Variants in ZNF500 observed in about 807,000 individuals in gnomAD.
ZNF500 encodes the protein zinc finger protein with KRAB and SCAN domains 18.
ZNF500 carries 31 observed loss-of-function variants against 30.1 expected under a neutral mutation model. That is an observed-to-expected ratio of 1.03 (90% CI 0.77 to 1.39). The LOEUF is 1.39. Ranked by LOEUF, ZNF500 falls within the 40% of genes most tolerant of loss-of-function variation. ZNF500 has a pLI of 0.00. For missense variants in ZNF500, 817 were observed against 657.8 expected (o/e 1.24, Z -2.65); for synonymous variants, 392 against 282.0 (o/e 1.39, Z -3.91).
chr16:4,745,143 G>C, downstream of ZNF500: 1 of 1,208,462 alleles, frequency 8.3e-7, no homozygotes. Flanking sequence ...CATCTGATCA[G>C]GCAGTCGCTC....
At chr16:4,763,801 C>T in intron 2 of ZNF500, 2 of 985,412 alleles carry the variant, frequency 2.0e-6, no homozygotes, top group Non-Finnish European at 2.4e-6. Flanking sequence ...CTTGGCCACC[C>T]CGATGGCAGG....
In ZNF500 at chr16:4,751,783, C is replaced by G. The variant is rs1276932935; in HGVS notation, c.*593G>C. On this transcript the variant is annotated 3_prime_UTR_variant, in exon 6 of 6. Coordinates refer to ENST00000219478, the MANE Select transcript of ZNF500 (RefSeq NM_021646.4). ...AGAGACTGGGCATGGCGGCACACACCTGTAACCCCAGCTACTCAGGAGGAT... is the reference window on the plus strand; with the variant it reads ...AGAGACTGGGCATGGCGGCACACACGTGTAACCCCAGCTACTCAGGAGGAT... 3.9e-6 allele frequency: 3 copies of G among 763,866 alleles called. No homozygotes were observed. Among genetic ancestry groups the G allele is most frequent in the Non-Finnish European group, 6.5e-6 (3 of 463,858 alleles). 47.3% of individuals were successfully genotyped at this position (763,866 alleles called of 1,614,324 possible). A position where few individuals can be genotyped will look rare whatever the true frequency, so the allele number is the denominator to read the frequency against.
chr16:4,763,712 A>G (rs1248941829), intron 2 of ZNF500: 9 of 973,186 alleles, frequency 9.2e-6, no homozygotes, highest in Non-Finnish European at 9.7e-6. Flanking sequence ...TGACAGAAGG[A>G]AGCCATGCCG....
rs746487557 is a variant in ZNF500, at chr16:4,765,832, G to A, written c.147C>T (p.Phe49=). The change falls in exon 2 of 6, where the codon TTC becomes TTT. Residue 49 remains phenylalanine, a synonymous_variant. Transcript: ENST00000219478. The part of the protein sequence containing the change: ...VETEDPSPET[F]RQLFRLFCYQ... ...AGCAGAAGAGCCGGAAGAGCTGGCG[G>A]AAAGTCTCAGGGCTGGGGTCCTCCG... 5 of 1,613,604 alleles carry A rather than the reference G, an allele frequency of 3.1e-6. No homozygotes were observed. The South Asian group carries it at 4.4e-5, about 14-fold the overall frequency.
Position 4,751,836 on chromosome 16 carries a change from G to C in ZNF500, c.*540C>G. On this transcript the variant is annotated 3_prime_UTR_variant, in exon 6 of 6. Coordinates refer to ENST00000219478, the MANE Select transcript of ZNF500 (RefSeq NM_021646.4). ...GGCAGGAGGAACACTTGAGCCCAGG[G>C]ATTCGAGGCTGCAGTGAGCTATGAT... The C allele has an allele frequency of 2.0e-6, 1 of 500,256 alleles. No individual in the cohort carries two copies. The highest frequency in any genetic ancestry group is 3.0e-5 in the Admixed American group (1 of 33,012). 31.0% of individuals were successfully genotyped at this position (500,256 alleles called of 1,614,324 possible).
chr16:4,754,070 C>T (rs2082111801), intron 5 of ZNF500, among the ~76,000 whole-genome samples: 1 of 152,232 alleles, frequency 6.6e-6, no homozygotes, highest in African/African-American at 2.4e-5. Context: ...ATGAGGGTGA[C>T]TGCAGCTGGG....
rs562512711 is a variant in ZNF500 at position 4,764,124 on chromosome 16, G to C, written c.415-1368C>G. 9.1e-6 allele frequency: 9 copies of C among 984,440 alleles called. No individual in the cohort carries two copies. In the Admixed American group the frequency reaches 3.1e-4, roughly 34 times the overall value. The allele number at this position is 984,440 out of a possible 1,614,324, so 61.0% of individuals were successfully genotyped here. A position where few individuals can be genotyped will look rare whatever the true frequency, so the allele number is the denominator to read the frequency against. Reference sequence around the variant, plus strand: ...GAGAGGCACTGTCTATAGAGATTTCGGTGTGTCAGAAGGGTCCTGTCTGTG... The same window carrying C: ...GAGAGGCACTGTCTATAGAGATTTCCGTGTGTCAGAAGGGTCCTGTCTGTG... On this transcript the variant is annotated intron_variant, in intron 2 of 5. Transcript: ENST00000219478.
chr16:4,747,085 G>A, downstream of ZNF500: 3 of 1,451,268 alleles, frequency 2.1e-6, no homozygotes, highest in East Asian at 2.6e-5. Flanking sequence ...TCTGCAGCAA[G>A]CCCTCCACCT....
chr16:4,763,648 C>T (rs980022113), intron 2 of ZNF500: 16 of 985,302 alleles, frequency 1.6e-5, no homozygotes, highest in Non-Finnish European at 1.8e-5. Flanking sequence ...GCACAGCCTG[C>T]CCCTCTCAGC....
downstream of ZNF500, chr16:4,747,235 G>C: frequency 7.2e-7 from 1 of 1,379,856 alleles, no homozygotes; most frequent in Non-Finnish European, 9.9e-7. Context: ...TTGCATTCTT[G>C]CTCTGAAATG....
chr16:4,763,982 GA>G (rs1461702333), intron 2 of ZNF500: 1 of 985,342 alleles, frequency 1.0e-6, no homozygotes, highest in Non-Finnish European at 1.2e-6. Flanking sequence ...AAAATGAACT[GA>G]AACAGCAGGT....
chr16:4,761,395 G>T (rs929730197), intron 4 of ZNF500, among the ~76,000 whole-genome samples: 1 of 150,826 alleles, frequency 6.6e-6, no homozygotes, highest in African/African-American at 2.4e-5. Context: ...AGCCGAGATC[G>T]CACCATTGCA....
At chr16:4,753,712 T>A (rs1179603180) in intron 5 of ZNF500, among the ~76,000 whole-genome samples, 4 of 152,186 alleles carry the variant, frequency 2.6e-5, no homozygotes, top group African/African-American at 9.6e-5. Context: ...TTTTGTTGTG[T>A]CTGGGGAGGG....
chr16:4,745,240 C>A (rs1386979453), downstream of ZNF500, among the ~76,000 whole-genome samples: 1 of 152,182 alleles, frequency 6.6e-6, no homozygotes, highest in Non-Finnish European at 1.5e-5. Context: ...GGGACTCAAG[C>A]CCTCAAGTAC....
At chr16:4,763,048 C>CT in intron 2 of ZNF500, 2 of 985,434 alleles carry the variant, frequency 2.0e-6, no homozygotes, top group Non-Finnish European at 2.4e-6. Context: ...CAGAAGAGCC[C>CT]TGAGTCAGCG....
downstream of ZNF500, chr16:4,746,176 C>T (rs919661289): frequency 3.7e-6 from 2 of 536,112 alleles, no homozygotes; most frequent in East Asian, 3.1e-5. Context: ...TCATGAGGGA[C>T]GTTCTGTTGG....
At chr16:4,766,754 A>G (rs1052750930) in intron 1 of ZNF500, among the ~76,000 whole-genome samples, 2 of 152,214 alleles carry the variant, frequency 1.3e-5, no homozygotes, top group Non-Finnish European at 2.9e-5. Flanking sequence ...CTCTGCCTCA[A>G]CTTGATCCCC....
chr16:4,765,413 A>T, intron 2 of ZNF500, 152 bp downstream of exon 2: 1 of 1,081,290 alleles, frequency 9.2e-7, no homozygotes, highest in East Asian at 2.5e-5. Context: ...CCATTAGCCA[A>T]GGCTGAGAAA....
rs1214904570 is a variant in ZNF500 at position 4,750,809 on chromosome 16, T to C, written c.*1567A>G. The C allele has an allele frequency of 6.7e-6, 1 of 149,260 alleles. No homozygotes were observed. The highest frequency in any genetic ancestry group is 1.5e-5 in the Non-Finnish European group (1 of 67,434). 9.2% of individuals were successfully genotyped at this position (149,260 alleles called of 1,614,324 possible). ...ACCTGGCTTTTTTTTTTTTTTTTTT[T>C]TTTTGGTAGGGAAGAGGTCTTTCTA... On this transcript the variant is annotated 3_prime_UTR_variant, in exon 6 of 6. Coordinates refer to ENST00000219478, the MANE Select transcript of ZNF500 (RefSeq NM_021646.4).
Sources: gnomAD v4.1 joint callset for allele counts (sites outside exome capture counted in the v4.1 genomes callset) on GRCh38, gnomAD v4.1.1 for gene constraint, MANE v1.5 for transcripts, NCBI Gene and HGNC (gene_info 2026-07-23, HGNC 2026-07-21) for gene names.